The following ABL2 variants were observed in gnomAD, a reference collection of about 807,000 sequenced individuals.
The protein encoded by ABL2 is tyrosine-protein kinase ABL2.
A neutral mutation model predicts 107.7 loss-of-function variants in ABL2; 49 were observed. The ratio of observed to expected loss-of-function variants is 0.45; its 90% CI spans 0.36 to 0.58. The LOEUF (loss-of-function observed/expected upper bound fraction) is 0.58. ABL2 is among the 20% of genes least tolerant of loss of function. The pLI, the probability that ABL2 is intolerant of heterozygous loss-of-function variation, is 0.00. For synonymous variants in ABL2, 549 were observed against 548.6 expected (o/e 1.00, Z -0.01); for missense variants, 1,245 against 1,457.0 (o/e 0.85, Z 2.37).
intron 8 of ABL2, among the ~76,000 whole-genome samples, chr1:179,115,818 GA>G (rs2102605133): frequency 6.6e-6 from 1 of 152,154 alleles, no homozygotes; most frequent in African/African-American, 2.4e-5. Context: ...ATTCAGAGCA[GA>G]AAAAAATTTG....
chr1:179,143,841 C>T (rs563163496), intron 1 of ABL2, among the ~76,000 whole-genome samples: 57 of 152,192 alleles, frequency 3.7e-4, no homozygotes, highest in African/African-American at 1.0e-3. Context: ...CGATTACAGG[C>T]GCCCGCCACC....
chr1:179,179,273 T>C (rs1660229914), intron 1 of ABL2, among the ~76,000 whole-genome samples: 1 of 152,184 alleles, frequency 6.6e-6, no homozygotes, highest in Admixed American at 6.5e-5. Flanking sequence ...TAATAGGCAA[T>C]CACATTATAC....
intron 1 of ABL2, among the ~76,000 whole-genome samples, chr1:179,212,389 C>G (rs1662323135): frequency 6.6e-6 from 1 of 152,174 alleles, no homozygotes; most frequent in East Asian, 1.9e-4. Context: ...AGACCAAGTT[C>G]CTGTTCTCAC....
At chr1:179,111,769 C>T (rs1334761778) in intron 10 of ABL2, among the ~76,000 whole-genome samples, 5 of 152,070 alleles carry the variant, frequency 3.3e-5, no homozygotes, top group South Asian at 2.1e-4. Context: ...GAAGGCCGGG[C>T]GCTGTGGCTC....
In ABL2 at chr1:179,102,254, A is replaced by G. The variant is rs188159185; in HGVS notation, c.*5464T>C. 667 of 176,736 alleles carry G rather than the reference A, an allele frequency of 3.8e-3. 19 individuals carry two copies. In the East Asian group the frequency reaches 0.052, roughly 14 times the overall value. The allele number at this position is 176,736 out of a possible 1,614,324, so 10.9% of individuals were successfully genotyped here. A position where few individuals can be genotyped will look rare whatever the true frequency, so the allele number is the denominator to read the frequency against. On this transcript the variant is annotated 3_prime_UTR_variant, in exon 12 of 12. Transcript: ENST00000502732. Reference sequence around the variant, plus strand: ...TCTCAATCTCCTGACCTCGTGATCCACCCGCCTCAGCCCCCCAAAGTGCTG... The same window carrying G: ...TCTCAATCTCCTGACCTCGTGATCCGCCCGCCTCAGCCCCCCAAAGTGCTG...
chr1:179,110,480 T>G (rs1653945753), intron 10 of ABL2, 25 bp from the exon 11 acceptor site: 2 of 1,579,110 alleles, frequency 1.3e-6, no homozygotes, highest in Non-Finnish European at 1.7e-6. Context: ...AGGGGACCAA[T>G]AAAAAGAACA....
rs1328696744 is a variant in ABL2, at chr1:179,100,393, T to C, written c.*7325A>G. 1 of 227,096 alleles carries C rather than the reference T, an allele frequency of 4.4e-6. No homozygotes were observed. Among genetic ancestry groups the C allele is most frequent in the Non-Finnish European group, 8.7e-6 (1 of 114,324 alleles). 14.1% of individuals were successfully genotyped at this position (227,096 alleles called of 1,614,324 possible). A position where few individuals can be genotyped will look rare whatever the true frequency, so the allele number is the denominator to read the frequency against. Reference sequence around the variant, plus strand: ...GTTGATGACACTAAAGCGTTCCCAGTCCTGCAAAACCTTCTGAAACAACAA... The same window carrying C: ...GTTGATGACACTAAAGCGTTCCCAGCCCTGCAAAACCTTCTGAAACAACAA... On this transcript the variant is annotated 3_prime_UTR_variant, in exon 12 of 12. Transcript: ENST00000502732.
At chr1:179,175,369 C>T (rs1270573061) in intron 1 of ABL2, among the ~76,000 whole-genome samples, 1 of 152,140 alleles carries the variant, frequency 6.6e-6, no homozygotes, top group Admixed American at 6.5e-5. Flanking sequence ...GCTCCTTTAC[C>T]CTTTTCCCTG....
intron 9 of ABL2, among the ~76,000 whole-genome samples, chr1:179,114,361 TCACG>T (rs1654410959): frequency 2.0e-4 from 4 of 19,772 alleles, no homozygotes; most frequent in Admixed American, 3.4e-4. Context: ...TGAGCCGAAA[TCACG>T]TCACTGAGCC....
chr1:179,100,841 C>T lies in ABL2; in HGVS notation c.*6877G>A, dbSNP rs1195807121. On this transcript the variant is annotated 3_prime_UTR_variant, in exon 12 of 12. Coordinates refer to ENST00000502732, the MANE Select transcript of ABL2 (RefSeq NM_007314.4). ...CCTTTCCCCTTCAACACGCCAGCTG[C>T]TCCCTCAGAGTGAACAGGGCTTTGC... 2 of 232,670 alleles carry T rather than the reference C, an allele frequency of 8.6e-6. No homozygotes were observed. The highest frequency in any genetic ancestry group is 1.7e-5 in the Non-Finnish European group (2 of 117,766). The allele number at this position is 232,670 out of a possible 1,614,324, so 14.4% of individuals were successfully genotyped here.
chr1:179,175,391 TG>T (rs1659984623), intron 1 of ABL2, among the ~76,000 whole-genome samples: 1 of 152,162 alleles, frequency 6.6e-6, no homozygotes, highest in South Asian at 2.1e-4. Context: ...TCCCCTTGAA[TG>T]GGTCCTCTGT....
chr1:179,112,158 T>A (rs968327451), intron 10 of ABL2, 151 bp downstream of exon 10: 1 of 608,268 alleles, frequency 1.6e-6, no homozygotes, highest in Non-Finnish European at 2.9e-6. Context: ...TATTATAAAC[T>A]ATACTCTGAT....
At chr1:179,183,937 G>A in intron 1 of ABL2, 1 of 266,562 alleles carries the variant, frequency 3.8e-6, no homozygotes, top group East Asian at 1.1e-4. Context: ...AGCCTCTCTA[G>A]ACTTGCCGAA....
chr1:179,219,203 T>TG (rs913475309), intron 1 of ABL2, among the ~76,000 whole-genome samples: 1 of 152,176 alleles, frequency 6.6e-6, no homozygotes, highest in African/African-American at 2.4e-5. Flanking sequence ...CTAGCACGCC[T>TG]GGCTAGGTTT....
intron 4 of ABL2, among the ~76,000 whole-genome samples, chr1:179,123,104 A>G (rs1349950978): frequency 2.6e-5 from 4 of 152,260 alleles, no homozygotes; most frequent in Non-Finnish European, 5.9e-5. Context: ...TGTAAAAAAC[A>G]TAACTTGAAA....
intron 1 of ABL2, among the ~76,000 whole-genome samples, chr1:179,134,744 C>T (rs946299495): frequency 8.6e-5 from 13 of 151,942 alleles, no homozygotes; most frequent in African/African-American, 2.7e-4. Context: ...CCACGGTCGC[C>T]CTCTCCCTCT....
intron 1 of ABL2, among the ~76,000 whole-genome samples, chr1:179,222,459 C>T (rs1290528087): frequency 6.6e-6 from 1 of 151,864 alleles, no homozygotes; most frequent in Admixed American, 6.6e-5. Flanking sequence ...AGCACGATCT[C>T]GGCTCACTGC....
chr1:179,165,923 G>T (rs942309392), intron 1 of ABL2, among the ~76,000 whole-genome samples: 1 of 152,042 alleles, frequency 6.6e-6, no homozygotes, highest in African/African-American at 2.4e-5. Flanking sequence ...AGCCTCCCAA[G>T]TAGCTGGGAT....
intron 1 of ABL2, among the ~76,000 whole-genome samples, chr1:179,160,349 AAAAAT>A (rs1165317185): frequency 1.3e-5 from 2 of 152,050 alleles, no homozygotes; most frequent in African/African-American, 4.8e-5. Flanking sequence ...CCCCATCTCT[AAAAAT>A]AAAATAAATT....
Sources: allele counts gnomAD v4.1 joint callset (sites outside exome capture counted in the v4.1 genomes callset), GRCh38; gene constraint gnomAD v4.1.1; transcripts MANE v1.5; gene names NCBI Gene and HGNC (gene_info 2026-07-23, HGNC 2026-07-21).